Variants in KRT8 observed in about 807,000 individuals in gnomAD.
KRT8 encodes keratin, type II cytoskeletal 8.
Under a neutral mutation model 43.0 loss-of-function variants are expected in KRT8, and 24 were observed. The ratio of observed to expected loss-of-function variants is 0.56; its 90% confidence interval spans 0.40 to 0.78. The LOEUF (loss-of-function observed/expected upper bound fraction) is 0.78. Among genes scored for constraint, KRT8 ranks in the 30% least tolerant of loss-of-function variants. The probability of loss-of-function intolerance (pLI) is 0.00; values close to 1 mark genes in which losing one functional copy is unlikely to be tolerated. For synonymous variants in KRT8, 214 were observed against 261.2 expected, an observed-to-expected ratio of 0.82 and a Z score of 1.74; for missense variants, 492 against 638.4, an observed-to-expected ratio of 0.77 and a Z score of 2.47.
intron 2 of KRT8, chr12:52,946,811 G>A (rs971222032): frequency 2.0e-5 from 3 of 152,166 alleles, no homozygotes; most frequent in Non-Finnish European, 2.9e-5. Flanking sequence ...CCTTCAGCAG[G>A]CCCCGACCCT....
At chr12:52,933,655 G>A (rs1307814473) in intron 2 of KRT8, among the ~76,000 whole-genome samples, 10 of 151,694 alleles carry the variant, frequency 6.6e-5, no homozygotes, top group Admixed American at 6.6e-4. Context: ...ACGGAGTTAT[G>A]CTCTTTTTGC....
chr12:52,945,422 C>A (rs1169552679), intron 2 of KRT8, among the ~76,000 whole-genome samples: 1 of 152,218 alleles, frequency 6.6e-6, no homozygotes, highest in Non-Finnish European at 1.5e-5. Context: ...AGACCCCATC[C>A]TTACACCTCA....
upstream of KRT8, among the ~76,000 whole-genome samples, chr12:52,908,681 G>A (rs1364454942): frequency 6.6e-6 from 1 of 152,142 alleles, no homozygotes; most frequent in Non-Finnish European, 1.5e-5. Context: ...AGAGCACAGG[G>A]TTTCTTTCTG....
intron 3 of KRT8, 164 bp from the exon 4 acceptor site, chr12:52,900,847 C>G: frequency 1.5e-6 from 1 of 666,028 alleles, no homozygotes; most frequent in South Asian, 1.7e-5. Flanking sequence ...GCATTCTCAG[C>G]CCACACACCT....
chr12:52,913,700 C>T (rs1167375356), intron 2 of KRT8, among the ~76,000 whole-genome samples: 4 of 152,242 alleles, frequency 2.6e-5, no homozygotes, highest in East Asian at 1.9e-4. Flanking sequence ...CTGACGCACA[C>T]GCCAAGGTGC....
chr12:52,949,620 G>T, intron 1 of KRT8: 1 of 1,589,616 alleles, frequency 6.3e-7, no homozygotes, highest in Non-Finnish European at 8.6e-7. Flanking sequence ...TCAACTCCCA[G>T]CCTTGTCTGA....
chr12:52,902,786 C>T (rs1039472487), intron 1 of KRT8, among the ~76,000 whole-genome samples: 2 of 151,890 alleles, frequency 1.3e-5, no homozygotes, highest in East Asian at 2.0e-4. Flanking sequence ...CCAAGGCAGG[C>T]GGATTTCTTG....
At chr12:52,918,089 A>G (rs200911435) in intron 2 of KRT8, among the ~76,000 whole-genome samples, 83,839 of 118,558 alleles carry the variant, frequency 0.71, 30,737 homozygotes, top group African/African-American at 0.87. Context: ...GGAGGAGGAG[A>G]AGAAGAAGAG....
upstream of KRT8, among the ~76,000 whole-genome samples, chr12:52,910,504 G>A (rs749523026): frequency 6.6e-6 from 1 of 152,230 alleles, no homozygotes; most frequent in Non-Finnish European, 1.5e-5. Flanking sequence ...CTCCACCACC[G>A]TTGGCCAGGG....
upstream of KRT8, chr12:52,905,167 C>G: frequency 9.0e-7 from 1 of 1,105,976 alleles, no homozygotes; most frequent in Non-Finnish European, 1.2e-6. Flanking sequence ...TGGGCCTAAC[C>G]CGTCACCTGC....
Position 52,943,300 on chromosome 12 carries a change from C to T in KRT8, c.-47+6156G>A, listed in dbSNP as rs73297785. On this transcript the variant is annotated intron_variant, in intron 2 of 6. Coordinates refer to the KRT8 transcript ENST00000546826. ...TCCACACCCCGGCTCCAGGCTCCAT[C>T]GCTCTACTGAAAGTGCTCTTTTTGT... 5.7e-3 allele frequency among the ~76,000 whole-genome samples: 865 copies of T among 152,308 alleles called. 8 individuals carry two copies. The highest frequency in any genetic ancestry group is 0.019 in the African/African-American group (799 of 41,570).
chr12:52,919,021 T>C lies in KRT8; in HGVS notation c.-46-13994A>G, dbSNP rs79080410. Among the ~76,000 whole-genome samples, 268 of 152,052 alleles carry C rather than the reference T, an allele frequency of 1.8e-3. 7 individuals carry two copies. In the East Asian group the frequency reaches 0.03, roughly 17 times the overall value. On this transcript the variant is annotated intron_variant, in intron 2 of 6. Transcript: ENST00000546826. ...GTGGAGGGTAACTAGGAGGTGGCAA[T>C]TGGGTCTATAAGGAGGAGCTTATAG...
chr12:52,902,451 C>T (rs560577096), intron 1 of KRT8, among the ~76,000 whole-genome samples: 26 of 152,154 alleles, frequency 1.7e-4, no homozygotes, highest in Non-Finnish European at 2.9e-4. Flanking sequence ...GATCTCAGCT[C>T]ACTGCAAGCT....
intron 2 of KRT8, among the ~76,000 whole-genome samples, chr12:52,930,467 C>A (rs1942065157): frequency 6.6e-6 from 1 of 152,248 alleles, no homozygotes; most frequent in Non-Finnish European, 1.5e-5. Context: ...GCGATCCACC[C>A]GCCTCAGCCT....
At chr12:52,901,196 C>T (rs138776885) in exon 3 of KRT8, 7 of 1,611,554 alleles carry the variant, frequency 4.3e-6, no homozygotes, top group African/African-American at 2.7e-5. Context: ...CATCTCTGTA[C>T]GCTTATTGAT....
chr12:52,926,445 T>C (rs562522317), intron 2 of KRT8: 198 of 1,482,886 alleles, frequency 1.3e-4, no homozygotes, highest in Non-Finnish European at 1.6e-4. Context: ...GCTCACCCCA[T>C]TCATTCCGCA....
Position 52,897,546 on chromosome 12 carries a change from G to C in KRT8, c.1334C>G (p.Ser445Cys), listed in dbSNP as rs748771942. 214 of 1,591,712 alleles carry C rather than the reference G, an allele frequency of 1.3e-4. No homozygotes were observed. The highest frequency in any genetic ancestry group is 1.8e-4 in the Non-Finnish European group (210 of 1,174,054). Residue 445 changes from serine (S) to cysteine (C), a missense_variant, in exon 8 of 8, where the codon TCT becomes TGT. Physicochemically the swap from Ser to Cys is moderately radical, Grantham distance 112. Around this residue, in one of 3 missense-constraint regions of KRT8, gnomAD observed 389 missense variants for 485.7 expected, o/e 0.80. Coordinates refer to ENST00000692008, the Ensembl canonical transcript of KRT8. The stretch of plus-strand genomic sequence containing the variant: ...GCTGAAGGAGCTGGAGCCCGCGCCA[G>C]AGCCAAAGCTGGAGCCCAGGCTGTA...
intron 2 of KRT8, among the ~76,000 whole-genome samples, chr12:52,942,263 G>C (rs1433702714): frequency 6.6e-6 from 1 of 152,086 alleles, no homozygotes; most frequent in Non-Finnish European, 1.5e-5. Flanking sequence ...AAACCGATAA[G>C]GAAGCTGGAG....
rs747905667 is a variant in KRT8, at chr12:52,897,560, G to A, written c.1320C>T (p.Gly440=). The stretch of plus-strand genomic sequence containing the variant: ...AGCCCGCGCCAGAGCCAAAGCTGGA[G>A]CCCAGGCTGTAGCTGAGGCCGGGGC... The change falls in exon 8 of 8, where the codon GGC becomes GGT. Residue 440 remains glycine (G), a synonymous_variant. Coordinates refer to ENST00000692008, the Ensembl canonical transcript of KRT8. 3.1e-6 allele frequency: 5 copies of A among 1,598,098 alleles called. No homozygotes were observed. In the African/African-American group the frequency reaches 6.7e-5, roughly 21 times the overall value.
Sources: allele counts gnomAD v4.1 joint callset (sites outside exome capture counted in the v4.1 genomes callset), GRCh38; gene constraint gnomAD v4.1.1; regional missense constraint gnomAD v4.1.1; transcripts MANE v1.5; gene names NCBI Gene and HGNC (gene_info 2026-07-23, HGNC 2026-07-21).